Variants in DDC observed in about 807,000 individuals in gnomAD.
DDC encodes aromatic-L-amino-acid decarboxylase.
In DDC, 43 loss-of-function variants were observed where a neutral mutation model predicts 60.0. The observed-to-expected ratio is 0.72, with a 90% CI of 0.56 to 0.92. The LOEUF (loss-of-function observed/expected upper bound fraction) is 0.92, where lower values mean the gene tolerates loss of function less well. DDC is among the 40% of genes least tolerant of loss of function. The pLI is 0.00. For missense variants in DDC, 573 were observed against 620.2 expected, an observed-to-expected ratio of 0.92 and a Z score of 0.81; for synonymous variants, 232 against 234.6, an observed-to-expected ratio of 0.99 and a Z score of 0.10.
At chr7:50,460,432 C>G (rs1162363152) in intron 14 of DDC, among the ~76,000 whole-genome samples, 2 of 149,966 alleles carry the variant, frequency 1.3e-5, no homozygotes, top group African/African-American at 5.0e-5. Flanking sequence ...CCCTGCCCGG[C>G]CAGCCGCCCC....
At chr7:50,499,770 TTC>T (rs1201223753) in intron 7 of DDC, among the ~76,000 whole-genome samples, 2 of 152,082 alleles carry the variant, frequency 1.3e-5, no homozygotes, top group Non-Finnish European at 2.9e-5. Context: ...ATGAACAGGG[TTC>T]TGTTTTCCAA....
Position 50,537,864 on chromosome 7 carries a change from A to G in DDC, c.431T>C (p.Ile144Thr). 1.2e-6 allele frequency: 2 copies of G among 1,613,988 alleles called. No homozygotes were observed. The highest frequency in any genetic ancestry group is 1.7e-6 in the Non-Finnish European group (2 of 1,179,916). The part of the protein sequence containing the change: ...NEKAGEGGGV[I>T]QGSASEATLV... The stretch of plus-strand genomic sequence containing the variant: ...CCCTCACAGCTCCCACCTTACCTGG[A>G]TCACTCCTCCCCCTTCTCCAGCTTT... The change falls in exon 4 of 15, where the codon ATC (isoleucine) becomes ACC (threonine). Residue 144 changes from isoleucine to threonine, a missense_variant. Coordinates refer to ENST00000444124, the MANE Select transcript of DDC (RefSeq NM_001082971.2).
At chr7:50,493,731 TTA>T (rs1175556809) in intron 9 of DDC, among the ~76,000 whole-genome samples, 2 of 152,192 alleles carry the variant, frequency 1.3e-5, no homozygotes, top group African/African-American at 4.8e-5. Flanking sequence ...GGTTTTAAAA[TTA>T]TATAGCAGAA....
intron 6 of DDC, among the ~76,000 whole-genome samples, chr7:50,519,802 T>G (rs2122818): frequency 0.72 from 110,165 of 151,964 alleles, 40,245 homozygotes; most frequent in East Asian, 0.8. Flanking sequence ...TACTGCTCAG[T>G]TTATGGGTGC....
chr7:50,530,216 C>A (rs573291956), intron 4 of DDC, among the ~76,000 whole-genome samples: 6 of 152,050 alleles, frequency 3.9e-5, no homozygotes, highest in Non-Finnish European at 7.4e-5. Context: ...AATTACAACA[C>A]TGCACTCCAG....
intron 4 of DDC, among the ~76,000 whole-genome samples, chr7:50,532,090 C>T (rs1007825144): frequency 1.1e-4 from 17 of 152,230 alleles, no homozygotes; most frequent in African/African-American, 2.4e-4. Context: ...CGCATCACTG[C>T]GCTGACGCCC....
At chr7:50,483,610 T>C (rs1407059393) in intron 9 of DDC, among the ~76,000 whole-genome samples, 2 of 152,086 alleles carry the variant, frequency 1.3e-5, no homozygotes. Context: ...TTTAAGAATT[T>C]GGGTATTTCT....
At chr7:50,548,482 G>GT (rs2044878367) in intron 1 of DDC, among the ~76,000 whole-genome samples, 3 of 152,154 alleles carry the variant, frequency 2.0e-5, no homozygotes, top group Non-Finnish European at 4.4e-5. Flanking sequence ...GTATTTTAAT[G>GT]GTCTGAATTG....
intron 13 of DDC, among the ~76,000 whole-genome samples, chr7:50,465,427 G>C (rs192532976): frequency 2.6e-5 from 4 of 151,168 alleles, no homozygotes; most frequent in African/African-American, 9.8e-5. Context: ...CTGGAGCGCA[G>C]TAGCACAATC....
rs372902505 is a variant in DDC at position 50,510,063 on chromosome 7, C to T, written c.715-6004G>A. On this transcript the variant is annotated intron_variant, in intron 6 of 14. Coordinates refer to ENST00000444124, the MANE Select transcript of DDC (RefSeq NM_001082971.2). The stretch of plus-strand genomic sequence containing the variant: ...TCAGCTCACTGCAAGCTCCGCCTCC[C>T]GGGGTTCAGGCCATTCTCTCATCTC... Among the ~76,000 whole-genome samples, 40 of 152,172 alleles carry T rather than the reference C, an allele frequency of 2.6e-4. No homozygotes were observed. In the East Asian group the frequency reaches 4.1e-3, roughly 16 times the overall value.
chr7:50,510,847 G>C lies in DDC; in HGVS notation c.715-6788C>G, dbSNP rs917097869. ...ATACAAAAAATTAGCTGGGCGCGGT[G>C]GTGGGCGCCTGTAGTCCCAGCTACT... is the stretch of plus-strand genomic sequence containing the variant. On this transcript the variant is annotated intron_variant, in intron 6 of 14. Coordinates refer to ENST00000444124, the MANE Select transcript of DDC (RefSeq NM_001082971.2). Among the ~76,000 whole-genome samples, 8 of 151,432 alleles carry C rather than the reference G, an allele frequency of 5.3e-5. No individual in the cohort carries two copies. In the East Asian group the frequency reaches 1.6e-3, roughly 29 times the overall value.
rs1182747883 is a variant in DDC at position 50,470,097 on chromosome 7, T to TTATATGTA, written c.1115_1116insTACATATA (p.Lys372AsnfsTer45). 6.2e-7 allele frequency: 1 copy of TTATATGTA among 1,612,438 alleles called. No individual in the cohort carries two copies. Among genetic ancestry groups the TTATATGTA allele is most frequent in the East Asian group, 2.2e-5 (1 of 44,894 alleles). ...CCTTGCGGATATAAGCCTGCAGTCCTTTGACTCCATACATCCTAAATACAA... is the reference window on the plus strand; with the variant it reads ...CCTTGCGGATATAAGCCTGCAGTCCTTATATGTATTGACTCCATACATCCTAAATACAA... On this transcript the variant is annotated frameshift_variant, in exon 12 of 15. Coordinates refer to ENST00000444124, the MANE Select transcript of DDC (RefSeq NM_001082971.2). LOFTEE classifies it high-confidence loss of function.
chr7:50,459,368 C>A (rs182616354), intron 14 of DDC, among the ~76,000 whole-genome samples: 1,911 of 152,356 alleles, frequency 0.013, 41 homozygotes, highest in African/African-American at 0.044. Context: ...CAGCCTCTGC[C>A]CGGCCGCCAC....
intron 1 of DDC, among the ~76,000 whole-genome samples, chr7:50,555,048 G>A (rs566067842): frequency 6.6e-6 from 1 of 152,098 alleles, no homozygotes; most frequent in East Asian, 1.9e-4. Context: ...CCCATCCCTC[G>A]GATGGAGAGA....
chr7:50,546,361 T>C (rs1328736989), intron 1 of DDC, among the ~76,000 whole-genome samples: 1 of 152,166 alleles, frequency 6.6e-6, no homozygotes, highest in African/African-American at 2.4e-5. Flanking sequence ...CAGGGGCACA[T>C]AGGGACTTAC....
At chr7:50,472,067 T>C (rs1259017803) in intron 11 of DDC, among the ~76,000 whole-genome samples, 1 of 152,212 alleles carries the variant, frequency 6.6e-6, no homozygotes, top group African/African-American at 2.4e-5. Context: ...AATGTTGTCA[T>C]GTTCTCTCCA....
chr7:50,563,094 G>A (rs1252844110), intron 1 of DDC, among the ~76,000 whole-genome samples: 1 of 150,688 alleles, frequency 6.6e-6, no homozygotes, highest in African/African-American at 2.4e-5. Flanking sequence ...TTGAACTTGA[G>A]AGGTGGAAGT....
chr7:50,554,665 A>C (rs1284692538), intron 1 of DDC, among the ~76,000 whole-genome samples: 4 of 152,202 alleles, frequency 2.6e-5, no homozygotes, highest in African/African-American at 9.6e-5. Context: ...CAGGGACTAG[A>C]GCCAGAGTTA....
intron 9 of DDC, chr7:50,492,988 C>G (rs1448202061): frequency 6.3e-7 from 1 of 1,598,198 alleles, no homozygotes; most frequent in Non-Finnish European, 8.5e-7. Flanking sequence ...CCTTAACATA[C>G]GCACTGGTTG....
Sources: allele counts gnomAD v4.1 joint callset (sites outside exome capture counted in the v4.1 genomes callset), GRCh38; gene constraint gnomAD v4.1.1; transcripts MANE v1.5; gene names NCBI Gene and HGNC (gene_info 2026-07-23, HGNC 2026-07-21).